Variants in ZFYVE9 observed in about 807,000 individuals in gnomAD.
ZFYVE9 encodes zinc finger FYVE-type containing 9, also known as zinc finger FYVE domain-containing protein 9.
A neutral mutation model predicts 126.7 loss-of-function variants in ZFYVE9; 43 were observed. That is an observed-to-expected ratio of 0.34 (90% CI 0.27 to 0.44). ZFYVE9 has a LOEUF of 0.44. Among genes scored for constraint, ZFYVE9 ranks in the 20% least tolerant of loss-of-function variants. ZFYVE9 has a pLI of 1.00. For synonymous variants in ZFYVE9, 521 were observed against 597.4 expected, an observed-to-expected ratio of 0.87 and a Z score of 1.87; for missense variants, 1,476 against 1,697.0, an observed-to-expected ratio of 0.87 and a Z score of 2.29.
chr1:52,281,592 G>A, intron 9 of ZFYVE9, 69 bp from the exon 10 acceptor site: 1 of 1,545,650 alleles, frequency 6.5e-7, no homozygotes, highest in Non-Finnish European at 8.8e-7. Context: ...ACAGATTTCT[G>A]TGCATCTTTT....
At chr1:52,202,664 T>TA (rs201281030) in intron 1 of ZFYVE9, among the ~76,000 whole-genome samples, 2 of 151,900 alleles carry the variant, frequency 1.3e-5, no homozygotes, top group African/African-American at 2.4e-5. Context: ...GCAATTTTTT[T>TA]AAAAAAAATT....
chr1:52,173,251 T>A (rs1180117232), intron 1 of ZFYVE9, among the ~76,000 whole-genome samples: 2 of 152,370 alleles, frequency 1.3e-5, no homozygotes, highest in East Asian at 3.9e-4. Context: ...CTGCATCTAC[T>A]GAGATAATCA....
chr1:52,318,456 TTATC>T (rs1032027933), intron 13 of ZFYVE9, among the ~76,000 whole-genome samples: 7 of 151,228 alleles, frequency 4.6e-5, no homozygotes, highest in African/African-American at 1.7e-4. Flanking sequence ...AAGCTAATGA[TTATC>T]TATGAAAAAT....
intron 1 of ZFYVE9, among the ~76,000 whole-genome samples, chr1:52,199,663 G>A (rs668662): frequency 0.97 from 147,231 of 152,324 alleles, 71,170 homozygotes; most frequent in East Asian, 1. Context: ...GTTTTTGTGT[G>A]GACATGTTTT....
intron 13 of ZFYVE9, among the ~76,000 whole-genome samples, chr1:52,321,569 G>A (rs1037199111): frequency 2.0e-5 from 3 of 152,164 alleles, no homozygotes; most frequent in Admixed American, 6.5e-5. Flanking sequence ...GGAGGCCACT[G>A]CTGAACCCCA....
At chr1:52,201,780 GTATT>G (rs755658802) in intron 1 of ZFYVE9, among the ~76,000 whole-genome samples, 26 of 151,540 alleles carry the variant, frequency 1.7e-4, no homozygotes, top group African/African-American at 5.6e-4. Flanking sequence ...ATTATTTTAT[GTATT>G]TATTTATTTA....
intron 13 of ZFYVE9, among the ~76,000 whole-genome samples, chr1:52,326,278 G>A (rs1307249014): frequency 6.6e-6 from 1 of 152,148 alleles, no homozygotes; most frequent in African/African-American, 2.4e-5. Flanking sequence ...TGAATTATTT[G>A]CTGCTGATTT....
At chr1:52,193,773 T>G (rs1644836761) in intron 1 of ZFYVE9, among the ~76,000 whole-genome samples, 1 of 147,888 alleles carries the variant, frequency 6.8e-6, no homozygotes, top group African/African-American at 2.5e-5. Context: ...TCTTAATGTC[T>G]TAATGTTTAT....
At chr1:52,223,317 G>C (rs1271122768) in intron 2 of ZFYVE9, among the ~76,000 whole-genome samples, 6 of 151,960 alleles carry the variant, frequency 3.9e-5, no homozygotes, top group Non-Finnish European at 8.8e-5. Context: ...TCATCCCTTT[G>C]CTTCCTGTAT....
intron 13 of ZFYVE9, among the ~76,000 whole-genome samples, chr1:52,314,933 G>C (rs1044338541): frequency 1.3e-5 from 2 of 152,216 alleles, no homozygotes; most frequent in Admixed American, 6.5e-5. Flanking sequence ...GCAGTGAGCT[G>C]AGATCGTGCC....
chr1:52,342,878 G>T (rs1646451291), intron 17 of ZFYVE9, among the ~76,000 whole-genome samples: 1 of 151,326 alleles, frequency 6.6e-6, no homozygotes, highest in Non-Finnish European at 1.5e-5. Context: ...AACCAGAGAA[G>T]TCAGGTGCTT....
At chr1:52,286,975 A>G (rs889624439) in intron 10 of ZFYVE9, among the ~76,000 whole-genome samples, 1 of 152,100 alleles carries the variant, frequency 6.6e-6, no homozygotes, top group Non-Finnish European at 1.5e-5. Flanking sequence ...AACTGTCTCA[A>G]TCCTATCAGT....
At chr1:52,274,625 C>T (rs370144975) in intron 8 of ZFYVE9, 41 bp downstream of exon 8, 73 of 1,526,956 alleles carry the variant, frequency 4.8e-5, no homozygotes, top group Non-Finnish European at 5.5e-5. Context: ...GTTCTATCTG[C>T]CAAATGTTAC....
intron 1 of ZFYVE9, among the ~76,000 whole-genome samples, chr1:52,207,397 T>G (rs1232215093): frequency 6.6e-6 from 1 of 152,220 alleles, no homozygotes; most frequent in African/African-American, 2.4e-5. Flanking sequence ...ACACTCACCT[T>G]GTTCTTTATA....
intron 12 of ZFYVE9, among the ~76,000 whole-genome samples, chr1:52,300,317 CGTAGTGGCTCATGCCT>C (rs1646021464): frequency 6.6e-6 from 1 of 152,102 alleles, no homozygotes; most frequent in Admixed American, 6.6e-5. Flanking sequence ...CTTGGCTGGG[CGTAGTGGCTCATGCCT>C]GTAATCTCAG....
chr1:52,171,000 G>T (rs897640017), intron 1 of ZFYVE9, among the ~76,000 whole-genome samples: 4 of 144,814 alleles, frequency 2.8e-5, no homozygotes, highest in Middle Eastern at 3.6e-3. Context: ...AAGTCCGATG[G>T]TTTTTTTTTT....
chr1:52,201,723 T>C (rs962588957), intron 1 of ZFYVE9, among the ~76,000 whole-genome samples: 2 of 151,960 alleles, frequency 1.3e-5, no homozygotes, highest in African/African-American at 4.8e-5. Flanking sequence ...TGTCTTTTCA[T>C]TGGTGCATTT....
intron 2 of ZFYVE9, among the ~76,000 whole-genome samples, chr1:52,223,735 A>T (rs1053392306): frequency 6.6e-6 from 1 of 152,072 alleles, no homozygotes. Flanking sequence ...AAATCCCTTT[A>T]ATTATCATGT....
intron 13 of ZFYVE9, among the ~76,000 whole-genome samples, chr1:52,314,286 C>G (rs957321281): frequency 6.6e-6 from 1 of 152,180 alleles, no homozygotes; most frequent in African/African-American, 2.4e-5. Flanking sequence ...GCATATTTCT[C>G]ATGAAAACAA....
Sources: allele counts gnomAD v4.1 joint callset (sites outside exome capture counted in the v4.1 genomes callset), GRCh38; gene constraint gnomAD v4.1.1; transcripts MANE v1.5; gene names NCBI Gene and HGNC (gene_info 2026-07-23, HGNC 2026-07-21).